The following PHLDB2 variants were observed in gnomAD, a reference collection of about 807,000 sequenced individuals.
PHLDB2 encodes pleckstrin homology-like domain family B member 2.
In PHLDB2, 71 loss-of-function variants were observed where a neutral mutation model predicts 123.6. The ratio of observed to expected loss-of-function variants is 0.57; its 90% CI spans 0.47 to 0.70. PHLDB2 has a LOEUF of 0.70. Ranked by LOEUF, PHLDB2 falls within the 30% of genes least tolerant of loss-of-function variation. The pLI is 0.00. For synonymous variants in PHLDB2, 547 were observed against 541.6 expected (o/e 1.01, Z -0.14); for missense variants, 1,446 against 1,519.5 (o/e 0.95, Z 0.80).
chr3:111,857,063 A>G (rs888952680), upstream of PHLDB2, among the ~76,000 whole-genome samples: 47 of 152,248 alleles, frequency 3.1e-4, no homozygotes, highest in African/African-American at 1.1e-3. Context: ...TTATAGGCAG[A>G]GAGGGCAATT....
chr3:111,973,636 T>C, intron 16 of PHLDB2, 96 bp from the exon 17 acceptor site: 1 of 675,550 alleles, frequency 1.5e-6, no homozygotes, highest in Non-Finnish European at 2.4e-6. Flanking sequence ...AATTAAATAC[T>C]TTGTAAATAT....
At chr3:111,858,967 A>G (rs2064645779), upstream of PHLDB2, among the ~76,000 whole-genome samples, 1 of 152,228 alleles carries the variant, frequency 6.6e-6, no homozygotes, top group Admixed American at 6.5e-5. Context: ...ATAGCAACTC[A>G]GAAAAATATT....
At chr3:111,909,638 C>T (rs1277451024) in intron 2 of PHLDB2, among the ~76,000 whole-genome samples, 2 of 151,756 alleles carry the variant, frequency 1.3e-5, no homozygotes, top group Non-Finnish European at 2.9e-5. Flanking sequence ...CATCTTTTTT[C>T]ATTTATGGAT....
intron 6 of PHLDB2, among the ~76,000 whole-genome samples, chr3:111,937,303 G>A (rs549163903): frequency 1.1e-4 from 17 of 152,140 alleles, no homozygotes; most frequent in Non-Finnish European, 8.8e-5. Context: ...GTGGGGATGG[G>A]GTTGAATATC....
chr3:111,932,637 C>A (rs1354856437), intron 6 of PHLDB2, among the ~76,000 whole-genome samples: 1 of 151,386 alleles, frequency 6.6e-6, no homozygotes, highest in Non-Finnish European at 1.5e-5. Context: ...TTTCTGGAGT[C>A]ATTTTTTTTT....
At chr3:111,826,232 C>A (rs2062648045) in intron 1 of PHLDB2, among the ~76,000 whole-genome samples, 1 of 152,062 alleles carries the variant, frequency 6.6e-6, no homozygotes, top group Admixed American at 6.5e-5. Flanking sequence ...TTGCTTGAAT[C>A]TGAGAGATGG....
In PHLDB2 at chr3:111,969,774, G is replaced by A. The variant is rs1159135760; in HGVS notation, c.3400G>A (p.Asp1134Asn). Residue 1134 changes from aspartate to asparagine, a missense_variant, in exon 16 of 18, where the codon GAC becomes AAC. Transcript: ENST00000431670. Reference sequence around the variant, plus strand: ...TGTAGAGACTGCTGGCCACAATATTGACACCTGTTACCATGTATCAATCAC... The same window carrying A: ...TGTAGAGACTGCTGGCCACAATATTAACACCTGTTACCATGTATCAATCAC... Reference protein sequence around the residue: ...SHVETAGHNIDTCYHVSITEK... With the variant: ...SHVETAGHNINTCYHVSITEK... 6.2e-7 allele frequency: 1 copy of A among 1,614,016 alleles called. No homozygotes were observed. The highest frequency in any genetic ancestry group is 8.5e-7 in the Non-Finnish European group (1 of 1,179,912).
At chr3:111,945,892 C>G (rs78340358) in intron 9 of PHLDB2, among the ~76,000 whole-genome samples, 3,589 of 152,160 alleles carry the variant, frequency 0.024, 62 homozygotes, top group Non-Finnish European at 0.032. Flanking sequence ...ACTGTACATA[C>G]TCTTTATCTC....
At chr3:111,963,930 CCA>C (rs1559925728) in intron 13 of PHLDB2, among the ~76,000 whole-genome samples, 1 of 152,212 alleles carries the variant, frequency 6.6e-6, no homozygotes, top group East Asian at 1.9e-4. Flanking sequence ...CACTTATTTT[CCA>C]TCATAATAAT....
chr3:111,886,343 G>C (rs901883857), intron 2 of PHLDB2, among the ~76,000 whole-genome samples: 1 of 152,112 alleles, frequency 6.6e-6, no homozygotes, highest in Non-Finnish European at 1.5e-5. Flanking sequence ...TGTAACCCAG[G>C]CTTGTCCAAC....
intron 1 of PHLDB2, among the ~76,000 whole-genome samples, chr3:111,762,415 A>C (rs945534622): frequency 6.6e-6 from 1 of 152,212 alleles, no homozygotes; most frequent in Non-Finnish European, 1.5e-5. Context: ...ATAAATTTTG[A>C]GGTGTTTATC....
intron 17 of PHLDB2, among the ~76,000 whole-genome samples, chr3:111,974,050 C>T (rs372309333): frequency 1.3e-5 from 2 of 152,044 alleles, no homozygotes; most frequent in African/African-American, 2.4e-5. Flanking sequence ...GGAAACCCTG[C>T]GAAACGACTC....
rs2068007858 is a variant in PHLDB2, at chr3:111,913,702, G to A, written c.1719G>A (p.Lys573=). Residue 573 remains lysine, a splice_region_variant and synonymous_variant, in exon 3 of 18, where the codon AAG becomes AAA. Transcript: ENST00000431670. ...SESSYLSILP[K]TPEGISEEQR... ...CCTCTTATCTAAGTATCCTACCAAA[G>A]GTAATGTTGGCCCAGCAAAGATACT... 6.2e-7 allele frequency: 1 copy of A among 1,608,936 alleles called. No individual in the cohort carries two copies. The highest frequency in any genetic ancestry group is 1.1e-5 in the South Asian group (1 of 90,614).
At chr3:111,794,033 G>A (rs1172846233) in intron 1 of PHLDB2, among the ~76,000 whole-genome samples, 3 of 151,926 alleles carry the variant, frequency 2.0e-5, no homozygotes, top group African/African-American at 7.3e-5. Context: ...ACTAGGTTGT[G>A]TGTACCCCAA....
intron 1 of PHLDB2, among the ~76,000 whole-genome samples, chr3:111,826,810 G>A (rs72936490): frequency 0.039 from 5,964 of 152,174 alleles, 407 homozygotes; most frequent in African/African-American, 0.14. Context: ...CCGTCTGAGA[G>A]AAGGTTCTAT....
chr3:111,753,574 G>A (rs1276474851), intron 1 of PHLDB2, among the ~76,000 whole-genome samples: 424 of 152,100 alleles, frequency 2.8e-3, no homozygotes, highest in Non-Finnish European at 5.3e-3. Flanking sequence ...AGTAGGTTGC[G>A]AAAACTTTCT....
At chr3:111,905,726 G>C (rs946220666) in intron 2 of PHLDB2, among the ~76,000 whole-genome samples, 1 of 152,154 alleles carries the variant, frequency 6.6e-6, no homozygotes, top group Admixed American at 6.5e-5. Flanking sequence ...ATGTTTTGCT[G>C]TAGGTTTGTT....
chr3:111,879,879 A>G (rs1324612255), intron 1 of PHLDB2, among the ~76,000 whole-genome samples: 2 of 151,856 alleles, frequency 1.3e-5, no homozygotes, highest in Non-Finnish European at 2.9e-5. Context: ...ACAGTGGTTT[A>G]GAAGCACTTT....
chr3:111,849,519 C>T (rs1559866783), intron 2 of PHLDB2, among the ~76,000 whole-genome samples: 1 of 152,082 alleles, frequency 6.6e-6, no homozygotes, highest in South Asian at 2.1e-4. Context: ...ATACTAATAC[C>T]GTAGGAATCA....
Sources: allele counts gnomAD v4.1 joint callset (sites outside exome capture counted in the v4.1 genomes callset), GRCh38; gene constraint gnomAD v4.1.1; transcripts MANE v1.5; gene names NCBI Gene and HGNC (gene_info 2026-07-23, HGNC 2026-07-21).